Variants in NIN observed in about 807,000 individuals in gnomAD.
NIN encodes ninein.
Under a neutral mutation model 257.6 loss-of-function variants are expected in NIN, and 137 were observed. That is an observed-to-expected ratio of 0.53 (90% CI 0.46 to 0.61). The LOEUF is 0.61. Among genes scored for constraint, NIN ranks in the 20% least tolerant of loss-of-function variants. NIN has a pLI of 0.00. For synonymous variants in NIN, 918 were observed against 919.8 expected, an observed-to-expected ratio of 1.00 and a Z score of 0.04; for missense variants, 2,439 against 2,501.2, an observed-to-expected ratio of 0.98 and a Z score of 0.53.
rs2041830005 is a variant in NIN at position 50,752,500 on chromosome 14, G to A, written c.4950+18C>T. The A allele has an allele frequency of 6.4e-7, 1 of 1,573,176 alleles. No individual in the cohort carries two copies. The highest frequency in any genetic ancestry group is 1.4e-5 in the African/African-American group (1 of 73,350). On this transcript the variant is annotated intron_variant, in intron 21 of 30. Transcript: ENST00000530997. ...GGGATTTCCTCAAAAAAAGCTGTCAGGTGGCTACAGGCCATACCTGCACTT... is the reference window on the plus strand; with the variant it reads ...GGGATTTCCTCAAAAAAAGCTGTCAAGTGGCTACAGGCCATACCTGCACTT...
At chr14:50,751,926 C>G (rs1348305368) in intron 21 of NIN, among the ~76,000 whole-genome samples, 1 of 152,186 alleles carries the variant, frequency 6.6e-6, no homozygotes, top group African/African-American at 2.4e-5. Context: ...GAGTTCTTTA[C>G]TAGCAGGGAT....
chr14:50,748,125 G>C lies in NIN; in HGVS notation c.4951-20C>G. On this transcript the variant is annotated intron_variant, in intron 21 of 30. Coordinates refer to ENST00000530997, the MANE Select transcript of NIN (RefSeq NM_020921.4). Reference sequence around the variant, plus strand: ...GGAGGACTAAGAGAAAAATGAAAAAGTCAAATAACAGACATACATATTTAG... The same window carrying C: ...GGAGGACTAAGAGAAAAATGAAAAACTCAAATAACAGACATACATATTTAG... 6.6e-7 allele frequency: 1 copy of C among 1,524,034 alleles called. No individual in the cohort carries two copies. 94.4% of individuals were successfully genotyped at this position (1,524,034 alleles called of 1,614,324 possible).
At chr14:50,811,769 C>T (rs777803838) in intron 3 of NIN, among the ~76,000 whole-genome samples, 1 of 151,592 alleles carries the variant, frequency 6.6e-6, no homozygotes, top group Admixed American at 6.6e-5. Context: ...CTGAGGTGGG[C>T]GGATCACAAG....
At chr14:50,822,189 C>T (rs2045255860) in intron 2 of NIN, 112 bp from the exon 3 acceptor site, 10 of 749,988 alleles carry the variant, frequency 1.3e-5, no homozygotes, top group South Asian at 8.5e-5. Context: ...AGGGAATGCT[C>T]GGGAACACCC....
Position 50,757,516 on chromosome 14 carries a change from C to T in NIN, c.3514G>A (p.Glu1172Lys), listed in dbSNP as rs780551224. 3 of 1,614,020 alleles carry T rather than the reference C, an allele frequency of 1.9e-6. No homozygotes were observed. Among genetic ancestry groups the T allele is most frequent in the South Asian group, 2.2e-5 (2 of 91,056 alleles). ...AAACCCTCTACTGAAGCTTCAGACTCCTCTATTTTGACTTCCTGTCTCTGA... is the reference window on the plus strand; with the variant it reads ...AAACCCTCTACTGAAGCTTCAGACTTCTCTATTTTGACTTCCTGTCTCTGA... ...SVQRQEVKIEESEASVEGFSE... is the reference protein window; with the variant it reads ...SVQRQEVKIEKSEASVEGFSE... The change falls in exon 18 of 31, where the codon GAG becomes AAG. Residue 1172 changes from glutamate (E) to lysine (K), a missense_variant. Physicochemically the swap from Glu to Lys is moderately conservative, Grantham distance 56 (BLOSUM62 1). Transcript: ENST00000530997.
intron 5 of NIN, chr14:50,791,914 C>T (rs532678364): frequency 6.6e-6 from 1 of 152,022 alleles, no homozygotes; most frequent in African/African-American, 2.4e-5. Flanking sequence ...ATATTAGTAT[C>T]TGAAATATCT....
At chr14:50,764,108 C>A in intron 14 of NIN, 144 bp from the exon 15 acceptor site, 1 of 658,468 alleles carries the variant, frequency 1.5e-6, no homozygotes, top group Non-Finnish European at 2.6e-6. Context: ...AAATGTTTTG[C>A]AAATTAAGTA....
chr14:50,723,692 C>G lies in NIN; in HGVS notation c.6193-20G>C. 2 of 1,604,854 alleles carry G rather than the reference C, an allele frequency of 1.2e-6. No individual in the cohort carries two copies. The highest frequency in any genetic ancestry group is 1.7e-6 in the Non-Finnish European group (2 of 1,171,904). ...GCAGAGCTAGAAACAGAACCAGAAA[C>G]ATCTTGACTCCATTTCTGTAACTCT... is the stretch of plus-strand genomic sequence containing the variant. On this transcript the variant is annotated intron_variant, in intron 30 of 30. Transcript: ENST00000530997.
In NIN at chr14:50,773,101, A is replaced by C. The variant is rs1304778828; in HGVS notation, c.667-6T>G. ...TGGAATACTTCCTCGAGCATCTAGA[A>C]AAGAGTCATCACATATTTTAAATAC... On this transcript the variant is annotated splice_region_variant and splice_polypyrimidine_tract_variant and intron_variant, in intron 7 of 30. Coordinates refer to ENST00000530997, the MANE Select transcript of NIN (RefSeq NM_020921.4). 1 of 1,608,738 alleles carries C rather than the reference A, an allele frequency of 6.2e-7. No homozygotes were observed.
intron 22 of NIN, 41 bp from the exon 23 acceptor site, chr14:50,744,406 T>C (rs1566794928): frequency 5.0e-6 from 8 of 1,605,344 alleles, no homozygotes; most frequent in Non-Finnish European, 5.1e-6. Context: ...TCACATCTCA[T>C]GGCTGTAAGT....
rs992111264 is a variant in NIN, at chr14:50,721,616, C to G, written c.*1847G>C. 13 of 218,638 alleles carry G rather than the reference C, an allele frequency of 5.9e-5. No homozygotes were observed. The highest frequency in any genetic ancestry group is 2.9e-4 in the African/African-American group (13 of 44,660). 13.5% of individuals were successfully genotyped at this position (218,638 alleles called of 1,614,324 possible). A position where few individuals can be genotyped will look rare whatever the true frequency, so the allele number is the denominator to read the frequency against. ...GTAGTCAAACACTTACTAGAAATGT[C>G]TGCACCACAGAAGAAAGATCTAAAG... On this transcript the variant is annotated 3_prime_UTR_variant, in exon 31 of 31. Transcript: ENST00000530997.
chr14:50,765,090 A>C (rs917084790), intron 14 of NIN, among the ~76,000 whole-genome samples: 1 of 146,548 alleles, frequency 6.8e-6, no homozygotes, highest in Non-Finnish European at 1.5e-5. Context: ...AAAAAAAAAA[A>C]AATTAGGCGT....
At chr14:50,735,437 G>T in intron 28 of NIN, 79 bp downstream of exon 28, 1 of 1,529,288 alleles carries the variant, frequency 6.5e-7, no homozygotes, top group South Asian at 1.3e-5. Flanking sequence ...TCAATGCCAT[G>T]TCTAGTCTCT....
intron 2 of NIN, among the ~76,000 whole-genome samples, chr14:50,826,379 A>T (rs1304378111): frequency 1.3e-5 from 2 of 152,236 alleles, no homozygotes; most frequent in African/African-American, 4.8e-5. Flanking sequence ...AATAAGAAGC[A>T]GATGCACAGA....
At position 50,767,554 on chromosome 14, in the gene NIN, A is replaced by G. The variant is rs551541852; in HGVS notation, c.1435-664T>C. ...AACTCTAGGCCAGGCATAGTGGCTC[A>G]CGCCTGTAATCCCAGCACTTTGGGA... On this transcript the variant is annotated intron_variant, in intron 12 of 30. Transcript: ENST00000530997. 3.6e-4 allele frequency among the ~76,000 whole-genome samples: 55 copies of G among 152,318 alleles called. 1 individual carries two copies. The South Asian group carries it at 7.2e-3, about 20-fold the overall frequency.
At chr14:50,782,322 G>A (rs567213055) in intron 5 of NIN, among the ~76,000 whole-genome samples, 15 of 152,294 alleles carry the variant, frequency 9.8e-5, no homozygotes, top group African/African-American at 3.6e-4. Flanking sequence ...AAAGCCATAT[G>A]TGTAAATATG....
intron 3 of NIN, 115 bp from the exon 4 acceptor site, chr14:50,806,933 T>A: frequency 2.0e-6 from 1 of 504,092 alleles, no homozygotes; most frequent in Non-Finnish European, 3.4e-6. Flanking sequence ...AAGTGAGTCA[T>A]AATCCAATTT....
rs201363211 is a variant in NIN, at chr14:50,770,414, G to A, written c.1408C>T (p.Arg470Trp). ...TTTAAAGAGAGGGCAAGGCGGTCCC[G>A]GATATAGTTCTCTTCTGTTTTTGCC... The part of the protein sequence containing the change: ...EKAKTEENYI[R>W]DRLALSLKEN... Residue 470 changes from arginine (R) to tryptophan (W), a missense_variant, in exon 12 of 31, where the codon CGG becomes TGG. Arg to Trp is a moderately radical substitution (Grantham distance 101). Transcript: ENST00000530997. 145 of 1,614,186 alleles carry A rather than the reference G, an allele frequency of 9.0e-5. No homozygotes were observed. Among genetic ancestry groups the A allele is most frequent in the Admixed American group, 2.8e-4 (17 of 60,024 alleles).
chr14:50,824,683 T>C (rs568567871), intron 2 of NIN, among the ~76,000 whole-genome samples: 3 of 152,344 alleles, frequency 2.0e-5, no homozygotes, highest in African/African-American at 7.2e-5. Flanking sequence ...CAGTCTGTTC[T>C]TCAAGCCAGG....
Sources: allele counts gnomAD v4.1 joint callset (sites outside exome capture counted in the v4.1 genomes callset), GRCh38; gene constraint gnomAD v4.1.1; transcripts MANE v1.5; gene names NCBI Gene and HGNC (gene_info 2026-07-23, HGNC 2026-07-21).